Variants in MTMR10 observed in about 807,000 individuals in gnomAD.
MTMR10 encodes myotubularin related protein 10, also known as myotubularin-related protein 10.
In MTMR10, 56 loss-of-function variants were observed where a neutral mutation model predicts 88.1. That is an observed-to-expected ratio of 0.64 (90% CI 0.51 to 0.79). The LOEUF is 0.79. MTMR10 is among the 30% of genes least tolerant of loss of function. The pLI, the probability that MTMR10 is intolerant of heterozygous loss-of-function variation, is 0.00. For synonymous variants in MTMR10, 380 were observed against 340.9 expected (o/e 1.11, Z -1.26); for missense variants, 883 against 924.7 (o/e 0.95, Z 0.58).
the MTMR10 span, chr15:30,929,394 T>C: frequency 6.2e-7 from 1 of 1,602,464 alleles, no homozygotes; most frequent in Non-Finnish European, 8.5e-7. Context: ...TTCAGCAAGC[T>C]CAGGTAATGG....
Position 30,941,269 on chromosome 15 carries a change from G to A in MTMR10, c.*201C>T. 1 of 1,482,722 alleles carries A rather than the reference G, an allele frequency of 6.7e-7. No homozygotes were observed. The highest frequency in any genetic ancestry group is 9.0e-7 in the Non-Finnish European group (1 of 1,114,156). The allele number at this position is 1,482,722 out of a possible 1,614,324, so 91.8% of individuals were successfully genotyped here. A position where few individuals can be genotyped will look rare whatever the true frequency, so the allele number is the denominator to read the frequency against. ...AGAGCCAGACCTGTAATGACAGAAA[G>A]AGGACAGGAACAAAATTTACATCTC... On this transcript the variant is annotated 3_prime_UTR_variant, in exon 16 of 16. Coordinates refer to ENST00000435680, the MANE Select transcript of MTMR10 (RefSeq NM_017762.3).
Position 30,941,037 on chromosome 15 carries a change from A to G in MTMR10, c.*433T>C. 1 of 1,169,736 alleles carries G rather than the reference A, an allele frequency of 8.5e-7. No homozygotes were observed. The highest frequency in any genetic ancestry group is 1.1e-6 in the Non-Finnish European group (1 of 933,806). 72.5% of individuals were successfully genotyped at this position (1,169,736 alleles called of 1,614,324 possible). On this transcript the variant is annotated 3_prime_UTR_variant, in exon 16 of 16. Transcript: ENST00000435680. ...AGAGACGACAGAAAGTAACCAGAAAAATACATGAATACTTCCTAAAACCTG... is the reference window on the plus strand; with the variant it reads ...AGAGACGACAGAAAGTAACCAGAAAGATACATGAATACTTCCTAAAACCTG...
intron 2 of MTMR10, among the ~76,000 whole-genome samples, chr15:30,979,604 G>C (rs569218938): frequency 6.6e-6 from 1 of 152,190 alleles, no homozygotes; most frequent in South Asian, 2.1e-4. Flanking sequence ...ATGATTTCAG[G>C]TTCCTGAGAA....
chr15:30,941,585 G>T lies in MTMR10; in HGVS notation c.2219C>A (p.Pro740Gln). The change falls in exon 16 of 16, where the codon CCA becomes CAA. Residue 740 changes from proline (P) to glutamine (Q), a missense_variant. This residue lies in a region of MTMR10 where 343 missense variants were observed against 323.2 expected (regional missense o/e 1.06). Transcript: ENST00000435680. ...GCACAGATTCCCTACAGGAGAAAATGGAAATGAGGAGGAGAGAAACTCCGG... is the reference window on the plus strand; with the variant it reads ...GCACAGATTCCCTACAGGAGAAAATTGAAATGAGGAGGAGAGAAACTCCGG... ...GTPEFLSSSF[P>Q]FSPVGNLCRR... 6.3e-7 allele frequency: 1 copy of T among 1,599,612 alleles called. No individual in the cohort carries two copies. The highest frequency in any genetic ancestry group is 8.5e-7 in the Non-Finnish European group (1 of 1,172,618).
downstream of MTMR10, among the ~76,000 whole-genome samples, chr15:30,935,589 C>T (rs116316782): frequency 3.8e-3 from 495 of 129,526 alleles, 2 homozygotes; most frequent in African/African-American, 0.012. Context: ...TATGCAGATG[C>T]GATGCCATTT....
At chr15:30,964,272 C>T (rs2955781) in intron 6 of MTMR10, among the ~76,000 whole-genome samples, 124,072 of 152,182 alleles carry the variant, frequency 0.82, 50,783 homozygotes, top group East Asian at 0.97. Context: ...TGACTGAGTC[C>T]AGCAGCACTG....
chr15:30,932,040 G>A, the MTMR10 span, among the ~76,000 whole-genome samples: 1 of 151,708 alleles, frequency 6.6e-6, no homozygotes, highest in Non-Finnish European at 1.5e-5. Context: ...GGCTAACATG[G>A]TGAAACCCCG....
chr15:30,986,502 T>C (rs944333387), intron 2 of MTMR10, among the ~76,000 whole-genome samples: 1 of 152,200 alleles, frequency 6.6e-6, no homozygotes, highest in Non-Finnish European at 1.5e-5. Flanking sequence ...TTTAACTTTT[T>C]AATTTTGTTA....
At chr15:30,928,773 G>A in the MTMR10 span, 1 of 1,540,704 alleles carries the variant, frequency 6.5e-7, no homozygotes, top group South Asian at 1.3e-5. Context: ...GGTCCTTTGG[G>A]TCATCCACAG....
In MTMR10 at chr15:30,974,459, A is replaced by C. The variant is rs944729388; in HGVS notation, c.332-3T>G. On this transcript the variant is annotated splice_polypyrimidine_tract_variant and splice_region_variant and intron_variant, in intron 4 of 15. Coordinates refer to ENST00000435680, the MANE Select transcript of MTMR10 (RefSeq NM_017762.3). Reference sequence around the variant, plus strand: ...CTGCTTCCTCTTGTGGTCGTTTACTAAAAAAGAAAAAAAAATAGAGAAAAT... The same window carrying C: ...CTGCTTCCTCTTGTGGTCGTTTACTCAAAAAGAAAAAAAAATAGAGAAAAT... 6.6e-7 allele frequency: 1 copy of C among 1,515,802 alleles called. No individual in the cohort carries two copies. Among genetic ancestry groups the C allele is most frequent in the Non-Finnish European group, 8.8e-7 (1 of 1,130,658 alleles). 93.9% of individuals were successfully genotyped at this position (1,515,802 alleles called of 1,614,324 possible).
intron 14 of MTMR10, chr15:30,943,926 C>A: frequency 1.0e-6 from 1 of 985,370 alleles, no homozygotes; most frequent in Non-Finnish European, 1.2e-6. Context: ...CACAACAGTT[C>A]GCTGGAGGAA....
chr15:30,938,771 C>T (rs965777864), downstream of MTMR10, among the ~76,000 whole-genome samples: 14 of 152,104 alleles, frequency 9.2e-5, no homozygotes, highest in Non-Finnish European at 1.8e-4. Flanking sequence ...ATGGCTTTAA[C>T]TTTAGCCACT....
chr15:30,924,346 C>T, the MTMR10 span, among the ~76,000 whole-genome samples: 1 of 152,288 alleles, frequency 6.6e-6, no homozygotes, highest in South Asian at 2.1e-4. Context: ...TTTGGGAATA[C>T]CTGAGAGTGG....
Position 30,958,903 on chromosome 15 carries a change from G to C in MTMR10, c.895C>G (p.Leu299Val), listed in dbSNP as rs759858674. 2 of 1,613,894 alleles carry C rather than the reference G, an allele frequency of 1.2e-6. No homozygotes were observed. The highest frequency in any genetic ancestry group is 1.3e-5 in the African/African-American group (1 of 75,022). The change falls in exon 9 of 16, where the codon CTC becomes GTC. Residue 299 changes from leucine (L) to valine (V), a missense_variant. Physicochemically the swap from Leu to Val is conservative, Grantham distance 32 (BLOSUM62 1). Around this residue, in one of 3 missense-constraint regions of MTMR10, gnomAD observed 414 missense variants for 423.2 expected, o/e 0.98. Transcript: ENST00000435680. ...SNGSALVRMA[L>V]IKDVLQQRKI... ...CTCTGCTGCAGCACGTCTTTGATGA[G>C]GGCCATTCGCACAAGAGCACTGCCG...
chr15:30,923,663 C>T, the MTMR10 span, among the ~76,000 whole-genome samples: 3 of 152,238 alleles, frequency 2.0e-5, 1 homozygote, highest in South Asian at 6.2e-4. Context: ...CCCTCCCTCT[C>T]CGAGGCCAGG....
chr15:30,930,162 G>C, the MTMR10 span, among the ~76,000 whole-genome samples: 2 of 151,420 alleles, frequency 1.3e-5, no homozygotes, highest in Admixed American at 6.6e-5. Context: ...TGAGTTGACA[G>C]CTTTCTTTTG....
chr15:30,929,274 G>T, the MTMR10 span: 1 of 1,613,676 alleles, frequency 6.2e-7, no homozygotes, highest in East Asian at 2.2e-5. Flanking sequence ...CCAGGCTGCA[G>T]CTGATTCATG....
At chr15:30,936,342 G>A (rs899449273), downstream of MTMR10, among the ~76,000 whole-genome samples, 3 of 152,166 alleles carry the variant, frequency 2.0e-5, no homozygotes, top group Admixed American at 1.3e-4. Context: ...CCCAGGCAGC[G>A]GGAACAGCAA....
At chr15:30,974,883 C>T (rs376561253) in intron 4 of MTMR10, 48 bp downstream of exon 4, 4 of 1,247,604 alleles carry the variant, frequency 3.2e-6, no homozygotes, top group African/African-American at 3.1e-5. Context: ...TCAAATAATA[C>T]TTCCAGAGTG....
Sources: allele counts gnomAD v4.1 joint callset (sites outside exome capture counted in the v4.1 genomes callset), GRCh38; gene constraint gnomAD v4.1.1; regional missense constraint gnomAD v4.1.1; transcripts MANE v1.5; gene names NCBI Gene and HGNC (gene_info 2026-07-23, HGNC 2026-07-21).